The following CNTN3 variants were observed in gnomAD, a reference collection of about 807,000 sequenced individuals.
CNTN3 encodes contactin-3.
CNTN3 carries 60 observed loss-of-function variants against 119.1 expected under a neutral mutation model. The observed-to-expected ratio is 0.50, with a 90% CI of 0.41 to 0.62. The LOEUF is 0.62. Among genes scored for constraint, CNTN3 ranks in the 20% least tolerant of loss-of-function variants. CNTN3 has a pLI of 0.00. For missense variants in CNTN3, 1,101 were observed against 1,242.4 expected, an observed-to-expected ratio of 0.89 and a Z score of 1.71; for synonymous variants, 450 against 438.7, an observed-to-expected ratio of 1.03 and a Z score of -0.32.
At chr3:74,564,895 T>C (rs920496418) in intron 1 of CNTN3, among the ~76,000 whole-genome samples, 2 of 152,054 alleles carry the variant, frequency 1.3e-5, no homozygotes, top group Non-Finnish European at 2.9e-5. Flanking sequence ...AAATGTGATG[T>C]TAGAGAACAG....
At chr3:74,326,265 C>A (rs1214539971) in intron 13 of CNTN3, among the ~76,000 whole-genome samples, 1 of 151,820 alleles carries the variant, frequency 6.6e-6, no homozygotes, top group Non-Finnish European at 1.5e-5. Flanking sequence ...GAGGTTTTGT[C>A]CTGTTATATT....
At chr3:74,314,679 C>T (rs1575718650) in intron 13 of CNTN3, among the ~76,000 whole-genome samples, 3 of 152,154 alleles carry the variant, frequency 2.0e-5, no homozygotes, top group Admixed American at 1.3e-4. Flanking sequence ...CAAGGAGAAA[C>T]AGAGGAATCC....
chr3:74,319,825 A>AAAAC (rs1553644073), intron 13 of CNTN3, among the ~76,000 whole-genome samples: 3 of 152,096 alleles, frequency 2.0e-5, no homozygotes, highest in Admixed American at 2.0e-4. Flanking sequence ...TACAAAAAAA[A>AAAAC]AAACAAACAA....
chr3:74,546,806 T>A (rs113309101), intron 1 of CNTN3, among the ~76,000 whole-genome samples: 4 of 152,228 alleles, frequency 2.6e-5, no homozygotes, highest in Non-Finnish European at 5.9e-5. Context: ...TACTGCTTAA[T>A]AAACTCCCTT....
intron 1 of CNTN3, among the ~76,000 whole-genome samples, chr3:74,530,282 T>C (rs1559647564): frequency 6.6e-6 from 1 of 151,940 alleles, no homozygotes; most frequent in Non-Finnish European, 1.5e-5. Flanking sequence ...CAGCAGGTAT[T>C]ACATCCCAAA....
intron 5 of CNTN3, among the ~76,000 whole-genome samples, chr3:74,387,585 T>C: frequency 6.6e-6 from 1 of 152,240 alleles, no homozygotes; most frequent in East Asian, 1.9e-4. Flanking sequence ...GGAGTTGGTC[T>C]ATGGGCCTGA....
chr3:74,285,423 T>G lies in CNTN3; in HGVS notation c.2586A>C (p.Thr862=). The G allele has an allele frequency of 1.9e-6, 3 of 1,613,654 alleles. No individual in the cohort carries two copies. Among genetic ancestry groups the G allele is most frequent in the Non-Finnish European group, 2.5e-6 (3 of 1,179,750 alleles). Residue 862 remains threonine (T), a synonymous_variant, in exon 20 of 23, where the codon ACA becomes ACC. Coordinates refer to ENST00000263665, the MANE Select transcript of CNTN3 (RefSeq NM_020872.3). ...SSKMKVAGNE[T]SARLRGLKSN... ...TCTTCAGGCCCCGTAGTCTGGCTGATGTCTCATTTCCTGCCACTTTCATCT... is the reference window on the plus strand; with the variant it reads ...TCTTCAGGCCCCGTAGTCTGGCTGAGGTCTCATTTCCTGCCACTTTCATCT...
At chr3:74,441,261 C>A (rs1453131738) in intron 4 of CNTN3, among the ~76,000 whole-genome samples, 1 of 151,960 alleles carries the variant, frequency 6.6e-6, no homozygotes, top group African/African-American at 2.4e-5. Context: ...TAACACTATA[C>A]CCCAAAATAC....
chr3:74,270,697 TG>T (rs1264638603), intron 20 of CNTN3, among the ~76,000 whole-genome samples: 1 of 152,182 alleles, frequency 6.6e-6, no homozygotes, highest in Non-Finnish European at 1.5e-5. Context: ...TTTTACTTTT[TG>T]TATTTGAACC....
At chr3:74,400,927 G>A (rs189345868) in intron 5 of CNTN3, among the ~76,000 whole-genome samples, 1 of 152,286 alleles carries the variant, frequency 6.6e-6, no homozygotes, top group African/African-American at 2.4e-5. Context: ...TTGTGGGTCA[G>A]TGTTTAATAC....
chr3:74,522,084 T>C (rs76272869), intron 1 of CNTN3, among the ~76,000 whole-genome samples: 6,160 of 151,940 alleles, frequency 0.041, 139 homozygotes, highest in South Asian at 0.066. Context: ...CTGTAGACAG[T>C]GGTTCCCAAC....
Position 74,287,796 on chromosome 3 carries a change from A to G in CNTN3, c.2518-2305T>C, listed in dbSNP as rs145248107. Among the ~76,000 whole-genome samples, 693 of 152,304 alleles carry G rather than the reference A, an allele frequency of 4.6e-3. 5 individuals are homozygous for G. The highest frequency in any genetic ancestry group is 0.016 in the African/African-American group (658 of 41,568). On this transcript the variant is annotated intron_variant, in intron 19 of 22. Transcript: ENST00000263665. ...GATATTTATTACCCTGCATTCCCCA[A>G]TGCTGAGCCACCATTTGGTATGGAA...
chr3:74,442,929 A>G (rs1455620257), intron 4 of CNTN3, among the ~76,000 whole-genome samples: 1 of 152,206 alleles, frequency 6.6e-6, no homozygotes, highest in Non-Finnish European at 1.5e-5. Context: ...CCCATACAGC[A>G]TGGCTCCACA....
At chr3:74,502,781 A>G (rs1280982279) in intron 2 of CNTN3, among the ~76,000 whole-genome samples, 1 of 152,084 alleles carries the variant, frequency 6.6e-6, no homozygotes, top group Non-Finnish European at 1.5e-5. Flanking sequence ...TCCCTCATCC[A>G]AAGTCATTAT....
At chr3:74,343,421 A>G (rs1433548188) in intron 11 of CNTN3, among the ~76,000 whole-genome samples, 2 of 152,226 alleles carry the variant, frequency 1.3e-5, no homozygotes, top group Non-Finnish European at 2.9e-5. Flanking sequence ...AGAAATATCC[A>G]AATGTTACTC....
chr3:74,415,114 CTCTG>C (rs978090808), intron 5 of CNTN3, among the ~76,000 whole-genome samples: 1 of 152,088 alleles, frequency 6.6e-6, no homozygotes, highest in East Asian at 1.9e-4. Context: ...CTTCAGGCTC[CTCTG>C]TCTGTTGGTG....
intron 1 of CNTN3, among the ~76,000 whole-genome samples, chr3:74,532,671 A>G (rs6549622): frequency 0.99 from 150,565 of 152,066 alleles, 74,549 homozygotes; most frequent in Middle Eastern, 1. Context: ...GAAATAGCAG[A>G]ATGGTGTGAG....
intron 4 of CNTN3, among the ~76,000 whole-genome samples, chr3:74,471,878 A>G (rs111253331): frequency 8.0e-4 from 122 of 152,302 alleles, no homozygotes; most frequent in African/African-American, 2.8e-3. Flanking sequence ...TCTATTCCCA[A>G]CTAGACCATA....
intron 11 of CNTN3, among the ~76,000 whole-genome samples, chr3:74,355,855 T>G (rs540506253): frequency 6.6e-6 from 1 of 152,060 alleles, no homozygotes; most frequent in Admixed American, 6.5e-5. Flanking sequence ...AATTCCTTAA[T>G]TCGGTATACA....
Sources: gnomAD v4.1 joint callset for allele counts (sites outside exome capture counted in the v4.1 genomes callset) on GRCh38, gnomAD v4.1.1 for gene constraint, MANE v1.5 for transcripts, NCBI Gene and HGNC (gene_info 2026-07-23, HGNC 2026-07-21) for gene names.